PIAS1: variants seen among roughly 807,000 people sequenced by gnomAD.
The protein encoded by PIAS1 is protein inhibitor of activated STAT 1.
PIAS1 carries 6 observed loss-of-function variants against 71.3 expected under a neutral mutation model. The observed-to-expected ratio is 0.08, with a 90% confidence interval of 0.05 to 0.17. The LOEUF is 0.17. Among genes scored for constraint, PIAS1 ranks in the 10% least tolerant of loss-of-function variants. The pLI is 1.00. For missense variants in PIAS1, 555 were observed against 793.6 expected (o/e 0.70, Z 3.61); for synonymous variants, 303 against 292.9 (o/e 1.03, Z -0.35).
intron 7 of PIAS1, chr15:68,153,966 G>A (rs2092868501): frequency 8.5e-6 from 2 of 234,400 alleles, no homozygotes; most frequent in Non-Finnish European, 1.7e-5. Flanking sequence ...TGGGAAATGG[G>A]AAGGGCATCT....
chr15:68,069,225 A>G (rs970201716), intron 1 of PIAS1, among the ~76,000 whole-genome samples: 1 of 152,074 alleles, frequency 6.6e-6, no homozygotes, highest in African/African-American at 2.4e-5. Context: ...ACATTTAAAA[A>G]ACTCTTAGTA....
rs1220146308 is a variant in PIAS1 at position 68,130,221 on chromosome 15, C to G, written c.470-11725C>G. Reference sequence around the variant, plus strand: ...AAAAAGGTGGAATTAATAAATAAACCTTAAAAGAAAAAGGCTTATGAAAGA... The same window carrying G: ...AAAAAGGTGGAATTAATAAATAAACGTTAAAAGAAAAAGGCTTATGAAAGA... On this transcript the variant is annotated intron_variant, in intron 2 of 13. Coordinates refer to ENST00000249636, the MANE Select transcript of PIAS1 (RefSeq NM_016166.3). Among the ~76,000 whole-genome samples the G allele has an allele frequency of 4.6e-5, 7 of 151,390 alleles. No homozygotes were observed. The South Asian group carries it at 1.5e-3, about 32-fold the overall frequency.
chr15:68,096,259 C>T (rs963837896), intron 2 of PIAS1, among the ~76,000 whole-genome samples: 3 of 152,100 alleles, frequency 2.0e-5, no homozygotes, highest in Non-Finnish European at 4.4e-5. Flanking sequence ...GGGTTTGTTT[C>T]TGGGCTCACT....
intron 1 of PIAS1, among the ~76,000 whole-genome samples, chr15:68,075,240 C>T (rs976135332): frequency 6.6e-6 from 1 of 151,818 alleles, no homozygotes; most frequent in African/African-American, 2.4e-5. Context: ...CACCCACCAC[C>T]ACACCTGGCT....
At chr15:68,055,221 AGCTGAT>A in intron 1 of PIAS1, 1 of 985,130 alleles carries the variant, frequency 1.0e-6, no homozygotes, top group Non-Finnish European at 1.2e-6. Flanking sequence ...GCGATGCTGT[AGCTGAT>A]GGAGGTGAAT....
intron 1 of PIAS1, among the ~76,000 whole-genome samples, chr15:68,065,645 T>C (rs941881029): frequency 6.6e-6 from 1 of 151,346 alleles, no homozygotes; most frequent in African/African-American, 2.4e-5. Context: ...GGCAGTTTGC[T>C]AAGCAGAGTT....
intron 1 of PIAS1, among the ~76,000 whole-genome samples, chr15:68,059,000 C>CTTTTTTTTTTTTTTTTTTTTTTT (rs35348345): frequency 1.2e-5 from 1 of 84,910 alleles, no homozygotes; most frequent in Non-Finnish European, 2.3e-5. Flanking sequence ...GATTATTCTA[C>CTTTTTTTTTTTTTTTTTTTTTTT]TTTTTTTTTT....
At chr15:68,155,449 TAA>T (rs71937461) in intron 7 of PIAS1, among the ~76,000 whole-genome samples, 19 of 103,290 alleles carry the variant, frequency 1.8e-4, no homozygotes, top group African/African-American at 2.6e-4. Context: ...ATGCTGCCTG[TAA>T]AAAAAAAAAA....
At chr15:68,083,491 C>T (rs918841182) in intron 1 of PIAS1, among the ~76,000 whole-genome samples, 1 of 152,036 alleles carries the variant, frequency 6.6e-6, no homozygotes, top group Admixed American at 6.6e-5. Flanking sequence ...TTATCTTAAT[C>T]GCCAGTTTTT....
intron 1 of PIAS1, among the ~76,000 whole-genome samples, chr15:68,070,792 A>AT (rs2092086529): frequency 6.6e-6 from 1 of 152,074 alleles, no homozygotes; most frequent in Non-Finnish European, 1.5e-5. Context: ...CCTACTTGTA[A>AT]TTTTTTGAAA....
intron 2 of PIAS1, among the ~76,000 whole-genome samples, chr15:68,092,653 G>A (rs74020024): frequency 0.028 from 4,238 of 152,252 alleles, 189 homozygotes; most frequent in African/African-American, 0.096. Context: ...TAATGAGGGC[G>A]TGGCCCTTAT....
At chr15:68,118,018 C>T (rs186820678) in intron 2 of PIAS1, among the ~76,000 whole-genome samples, 2 of 152,240 alleles carry the variant, frequency 1.3e-5, no homozygotes, top group Admixed American at 1.3e-4. Context: ...CAACACTTGT[C>T]TTCTGGTTTT....
chr15:68,075,928 G>A (rs1234579202), intron 1 of PIAS1, among the ~76,000 whole-genome samples: 2 of 152,016 alleles, frequency 1.3e-5, no homozygotes, highest in Non-Finnish European at 2.9e-5. Context: ...GATTACAGGT[G>A]CCCAGGACCG....
intron 2 of PIAS1, among the ~76,000 whole-genome samples, chr15:68,120,643 G>C (rs570770329): frequency 6.6e-6 from 1 of 151,520 alleles, no homozygotes; most frequent in African/African-American, 2.4e-5. Flanking sequence ...TACATTTTAC[G>C]TCCATGTAAG....
intron 2 of PIAS1, among the ~76,000 whole-genome samples, chr15:68,106,760 A>T (rs1027756583): frequency 5.3e-5 from 8 of 152,208 alleles, no homozygotes; most frequent in Non-Finnish European, 1.2e-4. Context: ...GTGAAGGGGG[A>T]TTAGGCTCTA....
chr15:68,190,943 G>C lies in PIAS1; in HGVS notation c.*3108G>C, dbSNP rs2093116777. The C allele has an allele frequency of 6.6e-6, 1 of 152,188 alleles. No homozygotes were observed. The highest frequency in any genetic ancestry group is 1.5e-5 in the Non-Finnish European group (1 of 68,032). The allele number at this position is 152,188 out of a possible 1,614,324, so 9.4% of individuals were successfully genotyped here. A position where few individuals can be genotyped will look rare whatever the true frequency, so the allele number is the denominator to read the frequency against. Reference sequence around the variant, plus strand: ...CTTTGAGTCAAGTGTCTGAAATGGAGTGAAAATATATCCTAACTAAATTAA... The same window carrying C: ...CTTTGAGTCAAGTGTCTGAAATGGACTGAAAATATATCCTAACTAAATTAA... On this transcript the variant is annotated 3_prime_UTR_variant, in exon 14 of 14. Transcript: ENST00000249636. This position sits in a 1 kb window ranked among gnomAD's most constrained non-coding sequence, Gnocchi z 4.7.
At chr15:68,082,270 G>A (rs1317817405) in intron 1 of PIAS1, among the ~76,000 whole-genome samples, 5 of 152,106 alleles carry the variant, frequency 3.3e-5, no homozygotes, top group African/African-American at 1.2e-4. Flanking sequence ...GGAAGTAGTG[G>A]CATAAGGAAA....
intron 1 of PIAS1, among the ~76,000 whole-genome samples, chr15:68,058,185 A>G (rs1000041049): frequency 6.6e-6 from 1 of 152,270 alleles, no homozygotes; most frequent in Admixed American, 6.5e-5. Flanking sequence ...GATGAGATGT[A>G]GCCTTTCAAA....
chr15:68,067,251 G>A lies in PIAS1; in HGVS notation c.24+12901G>A, dbSNP rs911527064. ...GGAGACCTGAGGGTGTAACCATCCT[G>A]TATGTTCAGATTTTCTAACAGCCCC... On this transcript the variant is annotated intron_variant, in intron 1 of 13. Transcript: ENST00000249636. Among the ~76,000 whole-genome samples, 3 of 152,108 alleles carry A rather than the reference G, an allele frequency of 2.0e-5. No homozygotes were observed. In the South Asian group the frequency reaches 6.2e-4, roughly 32 times the overall value.
Sources: allele counts gnomAD v4.1 joint callset (sites outside exome capture counted in the v4.1 genomes callset), GRCh38; gene constraint gnomAD v4.1.1; non-coding constraint Gnocchi (gnomAD v3.1); transcripts MANE v1.5; gene names NCBI Gene and HGNC (gene_info 2026-07-23, HGNC 2026-07-21).